Variants in TAF13 observed in about 807,000 individuals in gnomAD.
TAF13 encodes TATA-box binding protein associated factor 13.
In TAF13, 9 loss-of-function variants were observed where a neutral mutation model predicts 18.7. The observed-to-expected ratio is 0.48, with a 90% CI of 0.29 to 0.84. TAF13 has a LOEUF of 0.84. TAF13 is among the 40% of genes least tolerant of loss of function. The pLI, the probability that TAF13 is intolerant of heterozygous loss-of-function variation, is 0.08. For synonymous variants in TAF13, 49 were observed against 44.1 expected, an observed-to-expected ratio of 1.11 and a Z score of -0.44; for missense variants, 105 against 146.5, an observed-to-expected ratio of 0.72 and a Z score of 1.46.
chr1:109,065,076 G>C (rs941366853), intron 3 of TAF13, among the ~76,000 whole-genome samples: 7 of 151,992 alleles, frequency 4.6e-5, no homozygotes, highest in African/African-American at 1.7e-4. Context: ...AAATATTGGT[G>C]GGTTTTCTAA....
At chr1:109,073,946 C>G (rs190577545) in intron 2 of TAF13, among the ~76,000 whole-genome samples, 2 of 151,690 alleles carry the variant, frequency 1.3e-5, no homozygotes, top group Non-Finnish European at 2.9e-5. Context: ...GCCGCCACCC[C>G]GTCTGGGAGG....
At chr1:109,075,744 A>G (rs1380032921) in intron 1 of TAF13, among the ~76,000 whole-genome samples, 177 bp downstream of exon 1, 1 of 151,928 alleles carries the variant, frequency 6.6e-6, no homozygotes, top group East Asian at 1.9e-4. Flanking sequence ...CACAAAACCT[A>G]CTCTTCCTTC....
At chr1:109,072,884 G>A (rs1046429237) in intron 2 of TAF13, among the ~76,000 whole-genome samples, 2 of 150,670 alleles carry the variant, frequency 1.3e-5, no homozygotes, top group Non-Finnish European at 2.9e-5. Flanking sequence ...GGGTTCAAGC[G>A]AGCACGTCTG....
chr1:109,068,536 C>T (rs1663989999), intron 2 of TAF13, among the ~76,000 whole-genome samples: 1 of 152,072 alleles, frequency 6.6e-6, no homozygotes, highest in Non-Finnish European at 1.5e-5. Flanking sequence ...TTCGTAGAGA[C>T]AGGGTCCCAC....
At chr1:109,067,058 T>C (rs1307736278) in intron 2 of TAF13, among the ~76,000 whole-genome samples, 2 of 151,880 alleles carry the variant, frequency 1.3e-5, no homozygotes, top group African/African-American at 4.8e-5. Flanking sequence ...GTACTCAAAA[T>C]GAGAAAGCAG....
Position 109,064,524 on chromosome 1 carries a change from C to A in TAF13, c.374G>T (p.Ter125LeuextTer4). Reference protein sequence around the residue: ...KAFDEANYGS* With the variant: ...KAFDEANYGSL ...AATTTTCGGAAACTACAAAAAGTGT[C>A]AAGATCCATAATTTGCTTCATCAAA... The change falls in exon 4 of 4, where the codon TGA becomes TTA. Residue 125 changes from the stop codon to leucine, a stop_lost. Coordinates refer to ENST00000338366, the MANE Select transcript of TAF13 (RefSeq NM_005645.4). 6.7e-7 allele frequency: 1 copy of A among 1,483,974 alleles called. No homozygotes were observed. Among genetic ancestry groups the A allele is most frequent in the Non-Finnish European group, 9.0e-7 (1 of 1,114,770 alleles). 91.9% of individuals were successfully genotyped at this position (1,483,974 alleles called of 1,614,324 possible).
chr1:109,075,010 C>T lies in TAF13; in HGVS notation c.83G>A (p.Arg28Lys). The change falls in exon 2 of 4, where the codon AGA (arginine) becomes AAA (lysine). Residue 28 changes from arginine to lysine, a missense_variant. Arg to Lys is a conservative substitution (Grantham distance 26). Transcript: ENST00000338366. ...ACATTCTTTAGAAAAAAGTCTCTTT[C>T]TTTTACCCTGTCCACCTTCTGCACC... Reference protein sequence around the residue: ...GGGAEGGQGKRKRLFSKELRC... With the variant: ...GGGAEGGQGKKKRLFSKELRC... The T allele has an allele frequency of 6.2e-7, 1 of 1,604,676 alleles. No homozygotes were observed. The highest frequency in any genetic ancestry group is 1.3e-5 in the African/African-American group (1 of 74,508).
chr1:109,075,508 AT>A (rs1664164606), intron 1 of TAF13, among the ~76,000 whole-genome samples: 1 of 152,224 alleles, frequency 6.6e-6, no homozygotes, highest in Non-Finnish European at 1.5e-5. Flanking sequence ...AAGAAAACTG[AT>A]GTTCAAAGTT....
chr1:109,071,206 C>T (rs1450058996), intron 2 of TAF13, among the ~76,000 whole-genome samples: 2 of 151,482 alleles, frequency 1.3e-5, no homozygotes, highest in African/African-American at 2.4e-5. Context: ...TTTGGGAGGC[C>T]GAGTGGGGTG....
At chr1:109,066,886 A>C (rs967079959) in intron 2 of TAF13, among the ~76,000 whole-genome samples, 3 of 151,642 alleles carry the variant, frequency 2.0e-5, no homozygotes, top group African/African-American at 7.3e-5. Context: ...CGCCCGGCTA[A>C]TTTTTTGTAT....
chr1:109,064,583 A>G lies in TAF13; in HGVS notation c.315T>C (p.Thr105=). ...RKFARVKDLL[T]MNEELKRARK... ...TAGCTCGTTTCAATTCTTCATTCAT[A>G]GTAAGCAAGTCTTTAACCCTGGCAA... Residue 105 remains threonine, a synonymous_variant, in exon 4 of 4, where the codon ACT becomes ACC. Coordinates refer to ENST00000338366, the MANE Select transcript of TAF13 (RefSeq NM_005645.4). 1 of 1,575,620 alleles carries G rather than the reference A, an allele frequency of 6.3e-7. No individual in the cohort carries two copies. Among genetic ancestry groups the G allele is most frequent in the Non-Finnish European group, 8.6e-7 (1 of 1,162,340 alleles).
At chr1:109,070,337 G>A (rs932807389) in intron 2 of TAF13, among the ~76,000 whole-genome samples, 2 of 152,076 alleles carry the variant, frequency 1.3e-5, no homozygotes, top group Non-Finnish European at 2.9e-5. Flanking sequence ...TCCTGCCTCT[G>A]CCTCTCAAGT....
At chr1:109,068,791 C>T (rs1053124766) in intron 2 of TAF13, among the ~76,000 whole-genome samples, 1 of 152,226 alleles carries the variant, frequency 6.6e-6, no homozygotes, top group South Asian at 2.1e-4. Context: ...CACCTGAGGT[C>T]GGGAGTTTGA....
At chr1:109,073,418 C>G (rs375800048) in intron 2 of TAF13, among the ~76,000 whole-genome samples, 21 of 152,088 alleles carry the variant, frequency 1.4e-4, no homozygotes, top group African/African-American at 5.1e-4. Flanking sequence ...CCCTCGTCTG[C>G]GTCTCCCGCT....
chr1:109,067,252 G>A (rs1663966737), intron 2 of TAF13, among the ~76,000 whole-genome samples: 1 of 151,994 alleles, frequency 6.6e-6, no homozygotes, highest in African/African-American at 2.4e-5. Context: ...GAGCTCAGGA[G>A]TTTGAGACAA....
At chr1:109,067,981 C>T (rs1177874846) in intron 2 of TAF13, among the ~76,000 whole-genome samples, 1 of 152,138 alleles carries the variant, frequency 6.6e-6, no homozygotes, top group Non-Finnish European at 1.5e-5. Context: ...AGACAGGATC[C>T]GTGTGAATTC....
chr1:109,064,300 G>T lies in TAF13; in HGVS notation c.*223C>A. On this transcript the variant is annotated 3_prime_UTR_variant, in exon 4 of 4. Transcript: ENST00000338366. Reference sequence around the variant, plus strand: ...TTGCAAGGTACTTTGACTTATGTGTGGTCATTAAAACCCAGTAAGTAATTC... The same window carrying T: ...TTGCAAGGTACTTTGACTTATGTGTTGTCATTAAAACCCAGTAAGTAATTC... 1 of 336,270 alleles carries T rather than the reference G, an allele frequency of 3.0e-6. No individual in the cohort carries two copies. Among genetic ancestry groups the T allele is most frequent in the Non-Finnish European group, 5.3e-6 (1 of 188,902 alleles). 20.8% of individuals were successfully genotyped at this position (336,270 alleles called of 1,614,324 possible).
chr1:109,073,641 C>G (rs1188254702), intron 2 of TAF13, among the ~76,000 whole-genome samples: 2 of 152,180 alleles, frequency 1.3e-5, no homozygotes, highest in Non-Finnish European at 2.9e-5. Flanking sequence ...TGCCGGGATT[C>G]CAGACGGAGT....
chr1:109,066,730 T>C (rs9697400), intron 2 of TAF13, among the ~76,000 whole-genome samples: 1 of 152,122 alleles, frequency 6.6e-6, no homozygotes, highest in Non-Finnish European at 1.5e-5. Context: ...TTGTTTGTTT[T>C]TCTTGAGACA....
Sources: gnomAD v4.1 joint callset for allele counts (sites outside exome capture counted in the v4.1 genomes callset) on GRCh38, gnomAD v4.1.1 for gene constraint, MANE v1.5 for transcripts, NCBI Gene and HGNC (gene_info 2026-07-23, HGNC 2026-07-21) for gene names.